PCDHGB7: variants seen among roughly 807,000 people sequenced by gnomAD.
The protein encoded by PCDHGB7 is protocadherin gamma-B7.
PCDHGB7 carries 37 observed loss-of-function variants against 61.4 expected under a neutral mutation model. That is an observed-to-expected ratio of 0.60 (90% confidence interval 0.46 to 0.79). The LOEUF is 0.79. PCDHGB7 is among the 30% of genes least tolerant of loss of function. The pLI is 0.00. For synonymous variants in PCDHGB7, 464 were observed against 503.5 expected, an observed-to-expected ratio of 0.92 and a Z score of 1.05; for missense variants, 1,166 against 1,202.5, an observed-to-expected ratio of 0.97 and a Z score of 0.45.
At position 141,486,112 on chromosome 5, in the gene PCDHGB7, G is replaced by A; in HGVS notation, c.2416-8695G>A. ...TGGGGCCCCTAGACTTTGAGAGTGA[G>A]AATTACTATGAATTTGATGTGCGGG... On this transcript the variant is annotated intron_variant, in intron 1 of 3. Transcript: ENST00000398594. This position sits in a 1 kb window ranked among gnomAD's most constrained non-coding sequence, Gnocchi z 5.0. 1 of 1,614,166 alleles carries A rather than the reference G, an allele frequency of 6.2e-7. No homozygotes were observed. Among genetic ancestry groups the A allele is most frequent in the Non-Finnish European group, 8.5e-7 (1 of 1,180,024 alleles).
At position 141,476,318 on chromosome 5, in the gene PCDHGB7, G is replaced by A. The variant is rs767809530; in HGVS notation, c.2416-18489G>A. ...TAGCCTCTCAGCCCGCAGGTTCCGG[G>A]TGGTGTCTGGAGCTAGCCGAAGATT... is the stretch of plus-strand genomic sequence containing the variant. On this transcript the variant is annotated intron_variant, in intron 1 of 3. Coordinates refer to ENST00000398594, the MANE Select transcript of PCDHGB7 (RefSeq NM_018927.4). This position sits in a 1 kb window ranked among gnomAD's most constrained non-coding sequence, Gnocchi z 7.6. The A allele has an allele frequency of 6.2e-6, 10 of 1,614,084 alleles. No homozygotes were observed. Among genetic ancestry groups the A allele is most frequent in the Non-Finnish European group, 7.6e-6 (9 of 1,180,060 alleles).
chr5:141,421,697 A>T (rs750973568), intron 1 of PCDHGB7: 8 of 1,613,924 alleles, frequency 5.0e-6, no homozygotes, highest in Non-Finnish European at 6.8e-6. Context: ...GCTCTTCCTA[A>T]TGCTAGGGAT....
At chr5:141,426,639 AATGTGATGATAGAAGATATAAATG>A (rs1418104928) in intron 1 of PCDHGB7, 1 of 407,642 alleles carries the variant, frequency 2.5e-6, no homozygotes, top group Non-Finnish European at 5.0e-6. Context: ...TTTTCACATA[AATGTGATGATAGAAGATATAAATG>A]ATAACCCACC....
At chr5:141,492,461 G>A (rs1218833302) in intron 1 of PCDHGB7, among the ~76,000 whole-genome samples, 1 of 152,212 alleles carries the variant, frequency 6.6e-6, no homozygotes, top group East Asian at 1.9e-4. Flanking sequence ...CGCGCCTGAG[G>A]GTCCCAGATC....
intron 1 of PCDHGB7, among the ~76,000 whole-genome samples, chr5:141,434,567 C>T (rs1220152239): frequency 6.6e-6 from 1 of 152,206 alleles, no homozygotes; most frequent in East Asian, 1.9e-4. Flanking sequence ...TAAGGACATG[C>T]CCCTGCTGCA....
chr5:141,439,410 A>T (rs2098110832), intron 1 of PCDHGB7, among the ~76,000 whole-genome samples: 1 of 152,220 alleles, frequency 6.6e-6, no homozygotes, highest in African/African-American at 2.4e-5. Context: ...TGCTAACATC[A>T]CTGAGGTTAT....
chr5:141,435,073 G>A (rs535689336), intron 1 of PCDHGB7, among the ~76,000 whole-genome samples: 150 of 151,756 alleles, frequency 9.9e-4, no homozygotes, highest in Middle Eastern at 3.4e-3. Flanking sequence ...TGTGTAGACC[G>A]TCTGATAACA....
At chr5:141,421,846 G>A (rs1187020807) in intron 1 of PCDHGB7, 2 of 1,613,642 alleles carry the variant, frequency 1.2e-6, no homozygotes, top group East Asian at 4.5e-5. Context: ...AGAGAAAGAG[G>A]CTGCTCACCT....
chr5:141,483,530 GC>G (rs1384645281), intron 1 of PCDHGB7, among the ~76,000 whole-genome samples: 2 of 152,158 alleles, frequency 1.3e-5, no homozygotes, highest in African/African-American at 4.8e-5. Flanking sequence ...GACTAAGGAA[GC>G]TGGGTGGTTG....
intron 2 of PCDHGB7, among the ~76,000 whole-genome samples, chr5:141,498,338 G>T (rs2237079): frequency 2.6e-5 from 4 of 151,600 alleles, no homozygotes; most frequent in Non-Finnish European, 5.9e-5. Flanking sequence ...CATTCCAAAT[G>T]GGAAAAGCCT....
At chr5:141,451,107 C>T (rs768308463) in intron 1 of PCDHGB7, among the ~76,000 whole-genome samples, 3 of 152,118 alleles carry the variant, frequency 2.0e-5, no homozygotes, top group Non-Finnish European at 4.4e-5. Flanking sequence ...GGATTACAGG[C>T]GTGAGCCACC....
chr5:141,485,387 C>T lies in PCDHGB7; in HGVS notation c.2416-9420C>T. The T allele has an allele frequency of 6.2e-7, 1 of 1,614,078 alleles. No homozygotes were observed. Among genetic ancestry groups the T allele is most frequent in the Non-Finnish European group, 8.5e-7 (1 of 1,179,994 alleles). On this transcript the variant is annotated intron_variant, in intron 1 of 3. Coordinates refer to ENST00000398594, the MANE Select transcript of PCDHGB7 (RefSeq NM_018927.4). This position sits in a 1 kb window ranked among gnomAD's most constrained non-coding sequence, Gnocchi z 5.7. ...GCTGCAGGTCGCTGGAGAGGTGAAC[C>T]AAAGACACTTCCGTGTGGATTTGGA...
intron 1 of PCDHGB7, chr5:141,423,659 A>C (rs369390148): frequency 6.4e-7 from 1 of 1,551,038 alleles, no homozygotes; most frequent in African/African-American, 1.4e-5. Flanking sequence ...ACAAGTAATC[A>C]GGTGAGATTT....
intron 1 of PCDHGB7, among the ~76,000 whole-genome samples, chr5:141,463,706 A>T (rs568865377): frequency 2.9e-3 from 440 of 152,024 alleles, no homozygotes; most frequent in Non-Finnish European, 4.6e-3. Context: ...TCGGCCTCCA[A>T]AAGTGCTGGG....
chr5:141,490,419 G>T lies in PCDHGB7; in HGVS notation c.2416-4388G>T, dbSNP rs1424302713. ...TGAGCCTTGATATCTCTCCGGACCT[G>T]CCATTTCAGATTAAGCCTTCTGAGA... is the stretch of plus-strand genomic sequence containing the variant. On this transcript the variant is annotated intron_variant, in intron 1 of 3. Transcript: ENST00000398594. The surrounding 1 kb of genome is among the most constrained non-coding windows in gnomAD (Gnocchi z 5.4). The T allele has an allele frequency of 6.2e-7, 1 of 1,614,170 alleles. No homozygotes were observed. The highest frequency in any genetic ancestry group is 8.5e-7 in the Non-Finnish European group (1 of 1,180,020).
chr5:141,485,930 G>A lies in PCDHGB7; in HGVS notation c.2416-8877G>A. ...ATCCAGCTACAGGATTAGTGTGTTG[G>A]AGAGCGCACCAGCGGGCATGGTGCT... On this transcript the variant is annotated intron_variant, in intron 1 of 3. Transcript: ENST00000398594. This position sits in a 1 kb window ranked among gnomAD's most constrained non-coding sequence, Gnocchi z 5.7. The A allele has an allele frequency of 6.2e-7, 1 of 1,614,178 alleles. No homozygotes were observed. Among genetic ancestry groups the A allele is most frequent in the Non-Finnish European group, 8.5e-7 (1 of 1,180,042 alleles).
intron 1 of PCDHGB7, among the ~76,000 whole-genome samples, chr5:141,467,790 C>T (rs1321576171): frequency 6.6e-6 from 1 of 152,118 alleles, no homozygotes; most frequent in Non-Finnish European, 1.5e-5. Context: ...TCTCAAGTAG[C>T]TGGGACTACA....
chr5:141,492,695 A>G (rs925499358), intron 1 of PCDHGB7, among the ~76,000 whole-genome samples: 14 of 152,214 alleles, frequency 9.2e-5, no homozygotes, highest in African/African-American at 3.1e-4. Context: ...CGACCCCTCA[A>G]CCCAGAAGCC....
chr5:141,432,104 C>T lies in PCDHGB7; in HGVS notation c.2415+11830C>T. The stretch of plus-strand genomic sequence containing the variant: ...GAACGTGGCAGACACCAACGACAAC[C>T]CGCCGGTCTTCCCTCAGGCCTCCTA... On this transcript the variant is annotated intron_variant, in intron 1 of 3. Coordinates refer to ENST00000398594, the MANE Select transcript of PCDHGB7 (RefSeq NM_018927.4). This position sits in a 1 kb window ranked among gnomAD's most constrained non-coding sequence, Gnocchi z 6.0. 1 of 1,614,204 alleles carries T rather than the reference C, an allele frequency of 6.2e-7. No individual in the cohort carries two copies. The highest frequency in any genetic ancestry group is 1.7e-5 in the Admixed American group (1 of 60,026).
Sources: gnomAD v4.1 joint callset for allele counts (sites outside exome capture counted in the v4.1 genomes callset) on GRCh38, gnomAD v4.1.1 for gene constraint, Gnocchi (gnomAD v3.1) non-coding constraint, MANE v1.5 for transcripts, NCBI Gene and HGNC (gene_info 2026-07-23, HGNC 2026-07-21) for gene names.